Variants in OXSR1 observed in about 807,000 individuals in gnomAD.
OXSR1 encodes the protein oxidative stress responsive kinase 1.
A neutral mutation model predicts 79.8 loss-of-function variants in OXSR1; 24 were observed. The observed-to-expected ratio is 0.30, with a 90% CI of 0.22 to 0.42. OXSR1 has a LOEUF of 0.42. Among genes scored for constraint, OXSR1 ranks in the 10% least tolerant of loss-of-function variants. The pLI, the probability that OXSR1 is intolerant of heterozygous loss-of-function variation, is 1.00. For synonymous variants in OXSR1, 226 were observed against 209.2 expected (o/e 1.08, Z -0.69); for missense variants, 430 against 618.4 (o/e 0.70, Z 3.23).
At chr3:38,176,694 C>G (rs368850630) in intron 1 of OXSR1, among the ~76,000 whole-genome samples, 17 of 152,120 alleles carry the variant, frequency 1.1e-4, no homozygotes, top group East Asian at 3.8e-4. Context: ...TAAATCACAC[C>G]AGAGCATAAT....
At position 38,249,971 on chromosome 3, in the gene OXSR1, C is replaced by T; in HGVS notation, c.1328C>T (p.Ser443Phe). 6.3e-7 allele frequency: 1 copy of T among 1,576,306 alleles called. No homozygotes were observed. Among genetic ancestry groups the T allele is most frequent in the South Asian group, 1.1e-5 (1 of 88,340 alleles). The change falls in exon 15 of 18, where the codon TCC becomes TTC. Residue 443 changes from serine (S) to phenylalanine (F), a missense_variant. Physicochemically the swap from Ser to Phe is radical, Grantham distance 155. This residue lies in a region of OXSR1 where 276 missense variants were observed against 354.2 expected (regional missense o/e 0.78). Transcript: ENST00000311806. ...CATTCTGCTTTCTTTCATAGGAATT[C>T]CAAAAAAGAACTAAATGATATTCGA... ...PISLVLRLRN[S>F]KKELNDIRFE...
At chr3:38,185,240 G>A (rs1701862502) in intron 2 of OXSR1, among the ~76,000 whole-genome samples, 1 of 151,864 alleles carries the variant, frequency 6.6e-6, no homozygotes, top group Non-Finnish European at 1.5e-5. Context: ...ACAACCATAG[G>A]CAACACCAAC....
At chr3:38,169,856 GGTAGCT>G (rs1701543008) in intron 1 of OXSR1, among the ~76,000 whole-genome samples, 1 of 151,210 alleles carries the variant, frequency 6.6e-6, no homozygotes, top group South Asian at 2.1e-4. Flanking sequence ...CTGCCTCCCA[GGTAGCT>G]GGGACTACAG....
chr3:38,196,396 G>A (rs1017106768), intron 3 of OXSR1, among the ~76,000 whole-genome samples: 1 of 152,154 alleles, frequency 6.6e-6, no homozygotes, highest in African/African-American at 2.4e-5. Flanking sequence ...TGGATAAGAA[G>A]CGGGGGAGCT....
intron 3 of OXSR1, among the ~76,000 whole-genome samples, chr3:38,198,317 C>A (rs578008770): frequency 1.3e-5 from 2 of 152,140 alleles, no homozygotes; most frequent in Non-Finnish European, 2.9e-5. Context: ...ATTTGATTGG[C>A]ATTTCAATTG....
rs193016020 is a variant in OXSR1 at position 38,224,515 on chromosome 3, A to G, written c.703-56A>G. 1.8e-3 allele frequency: 2,487 copies of G among 1,417,332 alleles called. 4 individuals carry two copies. The highest frequency in any genetic ancestry group is 2.3e-3 in the Non-Finnish European group (2,348 of 1,042,216). 87.8% of individuals were successfully genotyped at this position (1,417,332 alleles called of 1,614,324 possible). A position where few individuals can be genotyped will look rare whatever the true frequency, so the allele number is the denominator to read the frequency against. ...CCTGTATTGAAAAATCTTGACCACAATAGTTAAACTTTACTGAGTCATCAC... is the reference window on the plus strand; with the variant it reads ...CCTGTATTGAAAAATCTTGACCACAGTAGTTAAACTTTACTGAGTCATCAC... On this transcript the variant is annotated intron_variant, in intron 7 of 17. Coordinates refer to ENST00000311806, the MANE Select transcript of OXSR1 (RefSeq NM_005109.3).
intron 1 of OXSR1, among the ~76,000 whole-genome samples, chr3:38,180,083 C>G (rs1701753345): frequency 6.6e-6 from 1 of 152,154 alleles, no homozygotes; most frequent in South Asian, 2.1e-4. Flanking sequence ...GTTGGGATTA[C>G]AGGCGTGAGC....
intron 4 of OXSR1, among the ~76,000 whole-genome samples, chr3:38,215,170 C>T (rs917305147): frequency 3.9e-5 from 6 of 152,084 alleles, no homozygotes; most frequent in Non-Finnish European, 8.8e-5. Flanking sequence ...GCACTGGTCT[C>T]TTATTTGATT....
intron 8 of OXSR1, among the ~76,000 whole-genome samples, chr3:38,227,588 A>AC (rs1702717621): frequency 1.5e-5 from 2 of 134,266 alleles, no homozygotes; most frequent in African/African-American, 6.1e-5. Flanking sequence ...CACACACACA[A>AC]ATGTACGTAT....
At chr3:38,201,666 C>T (rs146446748) in intron 4 of OXSR1, among the ~76,000 whole-genome samples, 3,672 of 151,800 alleles carry the variant, frequency 0.024, 61 homozygotes, top group Non-Finnish European at 0.039. Context: ...GCCGAGATTG[C>T]GCCACTGCAC....
At chr3:38,185,115 C>T (rs554633332) in intron 2 of OXSR1, among the ~76,000 whole-genome samples, 1 of 149,148 alleles carries the variant, frequency 6.7e-6, no homozygotes, top group African/African-American at 2.5e-5. Flanking sequence ...GAGTAAGACT[C>T]CATCTCTGAA....
intron 4 of OXSR1, among the ~76,000 whole-genome samples, chr3:38,204,875 G>A (rs747307407): frequency 2.5e-4 from 38 of 151,982 alleles, no homozygotes; most frequent in African/African-American, 7.2e-4. Flanking sequence ...GTCCAGTACA[G>A]CACCAGAACT....
chr3:38,225,883 A>G (rs1430906507), intron 8 of OXSR1, among the ~76,000 whole-genome samples: 2 of 152,148 alleles, frequency 1.3e-5, no homozygotes, highest in Non-Finnish European at 2.9e-5. Context: ...GGGGAGTTTG[A>G]ACTGAGATTC....
At chr3:38,186,390 G>A (rs1467197724) in intron 2 of OXSR1, among the ~76,000 whole-genome samples, 1 of 152,026 alleles carries the variant, frequency 6.6e-6, no homozygotes, top group Non-Finnish European at 1.5e-5. Context: ...ATGGTTTTTA[G>A]TTTATTCGCA....
intron 16 of OXSR1, 44 bp from the exon 17 acceptor site, chr3:38,252,284 A>G (rs1370917825): frequency 1.5e-6 from 2 of 1,319,490 alleles, no homozygotes; most frequent in African/African-American, 1.4e-5. Context: ...AAGTGGATTT[A>G]TGTAACTTCT....
intron 12 of OXSR1, among the ~76,000 whole-genome samples, chr3:38,244,851 T>C (rs1422458585): frequency 1.3e-5 from 2 of 152,136 alleles, no homozygotes; most frequent in African/African-American, 2.4e-5. Context: ...CTTCTATTTG[T>C]AATTTTTTGA....
At chr3:38,200,645 A>G (rs1465095999) in intron 4 of OXSR1, among the ~76,000 whole-genome samples, 3 of 152,196 alleles carry the variant, frequency 2.0e-5, no homozygotes, top group Non-Finnish European at 1.5e-5. Flanking sequence ...TTTTATTTAA[A>G]TCTATTTTGT....
intron 13 of OXSR1, among the ~76,000 whole-genome samples, chr3:38,247,311 C>T (rs1331542507): frequency 6.6e-6 from 1 of 152,054 alleles, no homozygotes; most frequent in Non-Finnish European, 1.5e-5. Flanking sequence ...TTTGTACTGC[C>T]ATATGGTGCA....
chr3:38,195,354 TC>T (rs1702054756), intron 3 of OXSR1, among the ~76,000 whole-genome samples: 1 of 152,222 alleles, frequency 6.6e-6, no homozygotes, highest in South Asian at 2.1e-4. Context: ...CATGGGGACT[TC>T]CTTGATCTAA....
Sources: gnomAD v4.1 joint callset for allele counts (sites outside exome capture counted in the v4.1 genomes callset) on GRCh38, gnomAD v4.1.1 for gene constraint, gnomAD v4.1.1 regional missense constraint, MANE v1.5 for transcripts, NCBI Gene and HGNC (gene_info 2026-07-23, HGNC 2026-07-21) for gene names.